CACNA1C: variants seen among roughly 807,000 people sequenced by gnomAD.
CACNA1C encodes voltage-dependent L-type calcium channel subunit alpha-1C.
A neutral mutation model predicts 229.0 loss-of-function variants in CACNA1C; 30 were observed. The ratio of observed to expected loss-of-function variants is 0.13; its 90% confidence interval spans 0.10 to 0.18. The LOEUF is 0.18. Among genes scored for constraint, CACNA1C ranks in the 10% least tolerant of loss-of-function variants. CACNA1C has a pLI of 1.00. For synonymous variants in CACNA1C, 1,114 were observed against 1,132.5 expected, an observed-to-expected ratio of 0.98 and a Z score of 0.33; for missense variants, 1,658 against 2,845.0, an observed-to-expected ratio of 0.58 and a Z score of 9.49.
intron 3 of CACNA1C, among the ~76,000 whole-genome samples, chr12:2,333,181 A>G (rs1486173167): frequency 1.3e-5 from 2 of 151,186 alleles, no homozygotes; most frequent in Admixed American, 6.6e-5. Context: ...TGTGCTGGGC[A>G]CTCCGGAATC....
rs2094435754 is a variant in CACNA1C, at chr12:2,646,956, T to G, written c.3913-1519T>G. 6.6e-6 allele frequency among the ~76,000 whole-genome samples: 1 copy of G among 152,050 alleles called. No individual in the cohort carries two copies. The highest frequency in any genetic ancestry group is 1.5e-5 in the Non-Finnish European group (1 of 68,000). ...GATCTAGAGATCCAGATTTAGAGTG[T>G]TCTGTAAAGCCTAGAGAAGTGTCCC... On this transcript the variant is annotated intron_variant, in intron 30 of 46. Coordinates refer to ENST00000399655, the MANE Select transcript of CACNA1C (RefSeq NM_000719.7). The surrounding 1 kb of genome is among the most constrained non-coding windows in gnomAD (Gnocchi z 4.6).
At chr12:2,385,423 T>C (rs192681031) in intron 3 of CACNA1C, among the ~76,000 whole-genome samples, 2 of 151,716 alleles carry the variant, frequency 1.3e-5, no homozygotes, top group African/African-American at 2.4e-5. Context: ...ACTTTCTCAG[T>C]CTCCACCAGC....
chr12:2,346,133 A>G lies in CACNA1C; in HGVS notation c.478-102843A>G, dbSNP rs2097011281. Among the ~76,000 whole-genome samples the G allele has an allele frequency of 6.6e-6, 1 of 152,090 alleles. No homozygotes were observed. The highest frequency in any genetic ancestry group is 2.1e-4 in the South Asian group (1 of 4,818). Reference sequence around the variant, plus strand: ...CACCAGGAGCCTTCCCAAGACCTGGATCCGCTGCAAGGTGATAGCCGTGGC... The same window carrying G: ...CACCAGGAGCCTTCCCAAGACCTGGGTCCGCTGCAAGGTGATAGCCGTGGC... On this transcript the variant is annotated intron_variant, in intron 3 of 46. Coordinates refer to ENST00000399655, the MANE Select transcript of CACNA1C (RefSeq NM_000719.7). This position sits in a 1 kb window ranked among gnomAD's most constrained non-coding sequence, Gnocchi z 4.4.
Position 2,493,154 on chromosome 12 carries a change from C to T in CACNA1C, c.917-36C>T. On this transcript the variant is annotated intron_variant, in intron 6 of 46. Coordinates refer to ENST00000399655, the MANE Select transcript of CACNA1C (RefSeq NM_000719.7). This position sits in a 1 kb window ranked among gnomAD's most constrained non-coding sequence, Gnocchi z 4.6. ...CTCTGCCCACATCTCTCCCTCCCTG[C>T]TGCTCCCGTCTCCTGTCTTCTTCTG... 1 of 1,573,042 alleles carries T rather than the reference C, an allele frequency of 6.4e-7. No individual in the cohort carries two copies. The highest frequency in any genetic ancestry group is 8.7e-7 in the Non-Finnish European group (1 of 1,143,466).
chr12:2,332,818 C>T (rs546922256), intron 3 of CACNA1C, among the ~76,000 whole-genome samples: 39 of 152,242 alleles, frequency 2.6e-4, no homozygotes, highest in African/African-American at 8.4e-4. Context: ...ATCCAAAATA[C>T]GCATTATAAA....
intron 18 of CACNA1C, among the ~76,000 whole-genome samples, chr12:2,591,640 C>CAG (rs147734518): frequency 1.3e-5 from 2 of 151,004 alleles, no homozygotes; most frequent in East Asian, 1.9e-4. Flanking sequence ...GCAGCTCAAA[C>CAG]AGAGAGAGAG....
rs527320564 is a variant in CACNA1C at position 2,673,465 on chromosome 12, TAA to T, written c.4727-1058_4727-1057del. Among the ~76,000 whole-genome samples the T allele has an allele frequency of 5.7e-3, 571 of 100,620 alleles. 4 individuals are homozygous for T. Among genetic ancestry groups the T allele is most frequent in the African/African-American group, 0.016 (490 of 30,436 alleles). 66.0% of individuals were successfully genotyped at this position (100,620 alleles called of 152,430 possible). A position where few individuals can be genotyped will look rare whatever the true frequency, so the allele number is the denominator to read the frequency against. ...TGGGCAACAAGAGCAAACTTCCGTC[TAA>T]AAAAAAAAAAAAAAAAAGACACCCC... On this transcript the variant is annotated intron_variant, in intron 38 of 46. Transcript: ENST00000399655.
intron 13 of CACNA1C, among the ~76,000 whole-genome samples, chr12:2,579,233 T>C (rs891882500): frequency 6.6e-6 from 1 of 152,182 alleles, no homozygotes; most frequent in African/African-American, 2.4e-5. Flanking sequence ...CTTTACTTCA[T>C]GAAAACGAAG....
chr12:2,112,459 C>A (rs2082142309), intron 1 of CACNA1C, among the ~76,000 whole-genome samples: 2 of 151,776 alleles, frequency 1.3e-5, no homozygotes, highest in Admixed American at 1.3e-4. Context: ...CTGTTTAATG[C>A]AGTTTATCCC....
chr12:2,560,658 A>C (rs141858022), intron 11 of CACNA1C, among the ~76,000 whole-genome samples: 23 of 152,234 alleles, frequency 1.5e-4, no homozygotes, highest in African/African-American at 5.3e-4. Context: ...CGGGGTTCTG[A>C]AATTGGGAGG....
intron 3 of CACNA1C, among the ~76,000 whole-genome samples, chr12:2,416,152 C>T (rs1237567063): frequency 6.6e-6 from 1 of 152,194 alleles, no homozygotes; most frequent in Non-Finnish European, 1.5e-5. Flanking sequence ...CCTTTGACAG[C>T]TCATCGCTAT....
intron 1 of CACNA1C, among the ~76,000 whole-genome samples, chr12:2,025,702 T>A (rs1380782940): frequency 1.3e-5 from 2 of 152,202 alleles, no homozygotes; most frequent in East Asian, 3.9e-4. Flanking sequence ...AATACCAGCC[T>A]TGGGATTTTT....
rs1461473545 is a variant in CACNA1C at position 2,654,057 on chromosome 12, A to G, written c.4140+157A>G. Among the ~76,000 whole-genome samples the G allele has an allele frequency of 7.9e-5, 12 of 152,128 alleles. 1 individual carries two copies. Among genetic ancestry groups the G allele is most frequent in the Admixed American group, 7.9e-4 (12 of 15,278 alleles). On this transcript the variant is annotated intron_variant, in intron 33 of 46. Coordinates refer to ENST00000399655, the MANE Select transcript of CACNA1C (RefSeq NM_000719.7). The surrounding 1 kb of genome is among the most constrained non-coding windows in gnomAD (Gnocchi z 4.4). ...CATTTTCTGAGGCCCAAAAAGCCACAGGAATTGGAACTTTCCCCAAATGGA... is the reference window on the plus strand; with the variant it reads ...CATTTTCTGAGGCCCAAAAAGCCACGGGAATTGGAACTTTCCCCAAATGGA...
intron 3 of CACNA1C, among the ~76,000 whole-genome samples, chr12:2,297,878 A>G (rs1285347769): frequency 6.6e-6 from 1 of 151,368 alleles, no homozygotes; most frequent in South Asian, 2.1e-4. Flanking sequence ...ACCTAAAACC[A>G]CACACACACA....
intron 3 of CACNA1C, among the ~76,000 whole-genome samples, chr12:2,144,962 A>T (rs1194565648): frequency 6.6e-6 from 1 of 151,270 alleles, no homozygotes; most frequent in Admixed American, 6.7e-5. Flanking sequence ...CATACCAGGG[A>T]AAGAACTGAG....
intron 3 of CACNA1C, among the ~76,000 whole-genome samples, chr12:2,402,447 C>A (rs1028977724): frequency 3.3e-5 from 5 of 152,230 alleles, no homozygotes; most frequent in Admixed American, 6.5e-5. Context: ...AAGAGGCAGG[C>A]AGGAGGTGGC....
At chr12:2,386,166 C>A (rs917737270) in intron 3 of CACNA1C, among the ~76,000 whole-genome samples, 2 of 152,180 alleles carry the variant, frequency 1.3e-5, no homozygotes, top group African/African-American at 4.8e-5. Context: ...CCATTGGTAG[C>A]TTGAAATTGA....
chr12:2,423,578 A>G (rs2098999018), intron 3 of CACNA1C, among the ~76,000 whole-genome samples: 1 of 152,188 alleles, frequency 6.6e-6, no homozygotes, highest in South Asian at 2.1e-4. Context: ...ATGAGTTGAT[A>G]GAGTGAGTGG....
chr12:2,170,623 G>A (rs1012192698), intron 3 of CACNA1C, among the ~76,000 whole-genome samples: 3 of 152,266 alleles, frequency 2.0e-5, no homozygotes, highest in African/African-American at 7.2e-5. Context: ...AGTTGAGGTG[G>A]AAGTCTCCTG....
Sources: gnomAD v4.1 joint callset for allele counts (sites outside exome capture counted in the v4.1 genomes callset) on GRCh38, gnomAD v4.1.1 for gene constraint, Gnocchi (gnomAD v3.1) non-coding constraint, MANE v1.5 for transcripts, NCBI Gene and HGNC (gene_info 2026-07-23, HGNC 2026-07-21) for gene names.